The following IL12RB2 variants were observed in gnomAD, a reference collection of about 807,000 sequenced individuals.
IL12RB2 encodes interleukin 12 receptor subunit beta 2.
Under a neutral mutation model 89.4 loss-of-function variants are expected in IL12RB2, and 82 were observed. The ratio of observed to expected loss-of-function variants is 0.92; its 90% CI spans 0.77 to 1.10. IL12RB2 has a LOEUF of 1.10. IL12RB2 is among the 50% of genes least tolerant of loss of function. The pLI, the probability that IL12RB2 is intolerant of heterozygous loss-of-function variation, is 0.00. For missense variants in IL12RB2, 963 were observed against 1,031.9 expected, an observed-to-expected ratio of 0.93 and a Z score of 0.92; for synonymous variants, 368 against 370.1, an observed-to-expected ratio of 0.99 and a Z score of 0.07.
intron 4 of IL12RB2, 81 bp from the exon 5 acceptor site, chr1:67,326,654 G>T: frequency 6.4e-7 from 1 of 1,561,666 alleles, no homozygotes; most frequent in Non-Finnish European, 8.7e-7. Context: ...GGGACGTATT[G>T]TCATGTTGAT....
At chr1:67,312,360 T>TCA (rs1477742501) in intron 1 of IL12RB2, among the ~76,000 whole-genome samples, 3 of 151,982 alleles carry the variant, frequency 2.0e-5, no homozygotes, top group Non-Finnish European at 2.9e-5. Flanking sequence ...AGAAAAGAGG[T>TCA]CATGTAGTTT....
chr1:67,354,940 T>C (rs1661222808), intron 10 of IL12RB2, among the ~76,000 whole-genome samples: 1 of 152,208 alleles, frequency 6.6e-6, no homozygotes, highest in South Asian at 2.1e-4. Context: ...AAGAATGATT[T>C]TGTTAGCTTA....
rs755115733 is a variant in IL12RB2, at chr1:67,328,393, T to G, written c.664+9T>G. On this transcript the variant is annotated intron_variant, in intron 6 of 16. Transcript: ENST00000674203. ...CACATTCTTGGACATAGGTACATTTTATTTCACTGTTTCATTGGTACTTTA... is the reference window on the plus strand; with the variant it reads ...CACATTCTTGGACATAGGTACATTTGATTTCACTGTTTCATTGGTACTTTA... The G allele has an allele frequency of 1.9e-6, 3 of 1,614,180 alleles. No homozygotes were observed. The highest frequency in any genetic ancestry group is 2.5e-6 in the Non-Finnish European group (3 of 1,180,028).
At chr1:67,394,437 G>C (rs1666152234) in intron 16 of IL12RB2, among the ~76,000 whole-genome samples, 1 of 152,148 alleles carries the variant, frequency 6.6e-6, no homozygotes, top group Admixed American at 6.5e-5. Flanking sequence ...ATAGGACATT[G>C]AAGAGCTGGT....
intron 10 of IL12RB2, among the ~76,000 whole-genome samples, chr1:67,363,241 A>T: frequency 9.0e-6 from 1 of 110,592 alleles, no homozygotes; most frequent in Admixed American, 1.1e-4. Flanking sequence ...TTTGAGACAG[A>T]GCTTTGCTCT....
At chr1:67,340,804 C>A (rs1463413715) in intron 9 of IL12RB2, among the ~76,000 whole-genome samples, 1 of 152,202 alleles carries the variant, frequency 6.6e-6, no homozygotes, top group Non-Finnish European at 1.5e-5. Context: ...TATGTGATTT[C>A]TTCTCTGCTG....
In IL12RB2 at chr1:67,380,044, G is replaced by A. The variant is rs78878673; in HGVS notation, c.1776G>A (p.Val592=). 4.3e-6 allele frequency: 7 copies of A among 1,613,276 alleles called. No homozygotes were observed. The East Asian group carries it at 1.6e-4, about 36-fold the overall frequency. The change falls in exon 14 of 17, where the codon GTG becomes GTA. Residue 592 remains valine (V), a synonymous_variant. Coordinates refer to ENST00000674203, the MANE Select transcript of IL12RB2 (RefSeq NM_001374259.2). ...SHPINSLQPR[V]TYVLWMTALT... Reference sequence around the variant, plus strand: ...CAATAAACAGCCTGCAGCCCCGAGTGACATATGTCCTGTGGATGACAGCTC... The same window carrying A: ...CAATAAACAGCCTGCAGCCCCGAGTAACATATGTCCTGTGGATGACAGCTC...
At chr1:67,384,608 T>C (rs995132926) in intron 14 of IL12RB2, among the ~76,000 whole-genome samples, 10 of 152,194 alleles carry the variant, frequency 6.6e-5, no homozygotes, top group African/African-American at 2.2e-4. Context: ...CCCCAGAAAA[T>C]AGGGTTTTCT....
At chr1:67,368,715 A>G (rs1338470736) in intron 11 of IL12RB2, among the ~76,000 whole-genome samples, 4 of 152,216 alleles carry the variant, frequency 2.6e-5, no homozygotes, top group African/African-American at 9.6e-5. Flanking sequence ...CTGCAGCCAT[A>G]CTACCTGGGT....
At chr1:67,333,551 T>G (rs565811863) in intron 8 of IL12RB2, among the ~76,000 whole-genome samples, 1 of 152,308 alleles carries the variant, frequency 6.6e-6, no homozygotes, top group East Asian at 1.9e-4. Context: ...TAGGGCTTCC[T>G]TTACTCCATA....
At chr1:67,329,150 A>C (rs1569817400) in intron 6 of IL12RB2, among the ~76,000 whole-genome samples, 2 of 152,258 alleles carry the variant, frequency 1.3e-5, no homozygotes, top group Admixed American at 1.3e-4. Flanking sequence ...TCTCTAGGCT[A>C]CCTTCTCGCC....
intron 10 of IL12RB2, among the ~76,000 whole-genome samples, chr1:67,360,781 G>C (rs1250921943): frequency 6.7e-6 from 1 of 149,008 alleles, no homozygotes; most frequent in African/African-American, 2.5e-5. Flanking sequence ...GGGTGACAGA[G>C]GAAAACTCCG....
At chr1:67,372,314 T>A in intron 11 of IL12RB2, 122 bp from the exon 12 acceptor site, 1 of 749,432 alleles carries the variant, frequency 1.3e-6, no homozygotes, top group Non-Finnish European at 2.4e-6. Flanking sequence ...GCTTGAACCA[T>A]CTTTAAACTA....
chr1:67,344,507 G>A (rs1644897059), intron 9 of IL12RB2, among the ~76,000 whole-genome samples: 1 of 151,978 alleles, frequency 6.6e-6, no homozygotes, highest in South Asian at 2.1e-4. Context: ...TGGCCAGACT[G>A]GTCTCAAACT....
intron 10 of IL12RB2, among the ~76,000 whole-genome samples, chr1:67,355,954 T>C (rs1372292027): frequency 6.6e-6 from 1 of 152,218 alleles, no homozygotes; most frequent in Non-Finnish European, 1.5e-5. Context: ...CCAGAGAAAG[T>C]AGTGGTTAGA....
intron 13 of IL12RB2, among the ~76,000 whole-genome samples, chr1:67,376,453 A>G (rs148678896): frequency 2.6e-4 from 39 of 152,284 alleles, no homozygotes; most frequent in Middle Eastern, 3.4e-3. Flanking sequence ...CAACTATCAC[A>G]TCTTCCTACA....
chr1:67,381,523 G>A (rs544634641), intron 14 of IL12RB2, among the ~76,000 whole-genome samples: 3 of 152,232 alleles, frequency 2.0e-5, no homozygotes, highest in South Asian at 2.1e-4. Context: ...CAGGACTTTG[G>A]GAGGCCGAGG....
intron 15 of IL12RB2, among the ~76,000 whole-genome samples, chr1:67,388,394 G>A (rs765407746): frequency 7.9e-5 from 12 of 152,140 alleles, no homozygotes; most frequent in Non-Finnish European, 1.2e-4. Flanking sequence ...CGCCCAGGCT[G>A]GAGTGCAGTG....
At chr1:67,335,748 A>G (rs1489495599) in intron 8 of IL12RB2, among the ~76,000 whole-genome samples, 1 of 152,028 alleles carries the variant, frequency 6.6e-6, no homozygotes, top group African/African-American at 2.4e-5. Flanking sequence ...TCTCCTCCCT[A>G]TTAGCCCTTG....
Sources: gnomAD v4.1 joint callset for allele counts (sites outside exome capture counted in the v4.1 genomes callset) on GRCh38, gnomAD v4.1.1 for gene constraint, MANE v1.5 for transcripts, NCBI Gene and HGNC (gene_info 2026-07-23, HGNC 2026-07-21) for gene names.